NRXN3: variants seen among roughly 807,000 people sequenced by gnomAD.
NRXN3 encodes the protein neurexin III.
A neutral mutation model predicts 137.6 loss-of-function variants in NRXN3; 32 were observed. That is an observed-to-expected ratio of 0.23 (90% confidence interval 0.18 to 0.31). The LOEUF is 0.31. NRXN3 is among the 10% of genes least tolerant of loss of function. The pLI is 1.00. For missense variants in NRXN3, 1,574 were observed against 2,062.5 expected, an observed-to-expected ratio of 0.76 and a Z score of 4.59; for synonymous variants, 798 against 784.5, an observed-to-expected ratio of 1.02 and a Z score of -0.29.
chr14:79,579,311 A>C (rs2097693192), intron 16 of NRXN3, among the ~76,000 whole-genome samples: 1 of 147,740 alleles, frequency 6.8e-6, no homozygotes, highest in Admixed American at 6.8e-5. Flanking sequence ...TGTTGGTTTA[A>C]GCAAATGTGT....
intron 4 of NRXN3, among the ~76,000 whole-genome samples, chr14:78,350,406 A>C (rs2083327185): frequency 6.6e-6 from 1 of 152,072 alleles, no homozygotes; most frequent in Non-Finnish European, 1.5e-5. Context: ...GACAAATAGT[A>C]AGGGGAGGGG....
intron 19 of NRXN3, among the ~76,000 whole-genome samples, chr14:79,757,971 C>CT (rs748750835): frequency 6.6e-6 from 1 of 152,134 alleles, no homozygotes; most frequent in East Asian, 1.9e-4. Context: ...AAGAAATATA[C>CT]TTTTTTTCCC....
chr14:78,354,603 G>T (rs1397654428), intron 4 of NRXN3, among the ~76,000 whole-genome samples: 1 of 152,164 alleles, frequency 6.6e-6, no homozygotes, highest in Non-Finnish European at 1.5e-5. Flanking sequence ...TCCCTCAGCT[G>T]TTAGAATACT....
chr14:78,640,876 G>A (rs2097620188), intron 4 of NRXN3, among the ~76,000 whole-genome samples: 1 of 152,126 alleles, frequency 6.6e-6, no homozygotes, highest in Non-Finnish European at 1.5e-5. Context: ...TAAACTTTGG[G>A]ATGATATAAT....
At chr14:79,492,476 A>C (rs2096726824) in intron 16 of NRXN3, among the ~76,000 whole-genome samples, 1 of 152,032 alleles carries the variant, frequency 6.6e-6, no homozygotes, top group African/African-American at 2.4e-5. Context: ...CCTGTCACCC[A>C]GGTTCAAGTG....
At chr14:79,348,713 G>C (rs942220266) in intron 15 of NRXN3, among the ~76,000 whole-genome samples, 2 of 152,114 alleles carry the variant, frequency 1.3e-5, no homozygotes, top group Admixed American at 6.5e-5. Context: ...TAGGGCAGTC[G>C]CCACAATATG....
chr14:78,743,599 T>A (rs1483318755), intron 8 of NRXN3, among the ~76,000 whole-genome samples: 3 of 152,204 alleles, frequency 2.0e-5, no homozygotes, highest in African/African-American at 7.2e-5. Flanking sequence ...AGATAACTCT[T>A]ATCACATATC....
intron 16 of NRXN3, among the ~76,000 whole-genome samples, chr14:79,625,539 A>G (rs1170638849): frequency 6.6e-6 from 1 of 152,220 alleles, no homozygotes; most frequent in Non-Finnish European, 1.5e-5. Flanking sequence ...TTCTGATGTT[A>G]TAATGGCTGC....
chr14:79,322,641 G>GTCTA (rs2090219024), intron 15 of NRXN3, among the ~76,000 whole-genome samples: 1 of 152,168 alleles, frequency 6.6e-6, no homozygotes, highest in Admixed American at 6.5e-5. Flanking sequence ...TGATCCTAGA[G>GTCTA]TCTATCTTCT....
intron 6 of NRXN3, among the ~76,000 whole-genome samples, chr14:78,661,288 G>A (rs960228716): frequency 6.6e-6 from 1 of 152,210 alleles, no homozygotes; most frequent in African/African-American, 2.4e-5. Context: ...TCATTCAGTA[G>A]TATTACCGAT....
At chr14:78,800,848 T>C (rs1184983637) in intron 8 of NRXN3, among the ~76,000 whole-genome samples, 1 of 152,218 alleles carries the variant, frequency 6.6e-6, no homozygotes, top group East Asian at 1.9e-4. Context: ...CCTAGAATAG[T>C]GCCTGGCAAT....
intron 10 of NRXN3, among the ~76,000 whole-genome samples, chr14:78,878,441 T>C (rs574746961): frequency 1.4e-3 from 213 of 152,314 alleles, no homozygotes; most frequent in Non-Finnish European, 2.7e-3. Flanking sequence ...GCCAATGTGA[T>C]GCAAAATGAA....
At chr14:78,781,865 A>T (rs1296653772) in intron 8 of NRXN3, among the ~76,000 whole-genome samples, 1 of 152,216 alleles carries the variant, frequency 6.6e-6, no homozygotes, top group East Asian at 1.9e-4. Context: ...CATATAATAC[A>T]AACCAAAACA....
At chr14:78,822,828 C>G (rs1002486459) in intron 10 of NRXN3, among the ~76,000 whole-genome samples, 2 of 152,082 alleles carry the variant, frequency 1.3e-5, no homozygotes, top group Non-Finnish European at 2.9e-5. Context: ...TACATATTGC[C>G]TCTGCCACTT....
At chr14:78,492,293 A>G (rs1265927125) in intron 4 of NRXN3, among the ~76,000 whole-genome samples, 1 of 152,160 alleles carries the variant, frequency 6.6e-6, no homozygotes, top group Non-Finnish European at 1.5e-5. Context: ...TATATTGAGA[A>G]GTGGACTGCC....
At chr14:79,621,829 G>A (rs536336695) in intron 16 of NRXN3, among the ~76,000 whole-genome samples, 1 of 152,320 alleles carries the variant, frequency 6.6e-6, no homozygotes, top group South Asian at 2.1e-4. Flanking sequence ...AATGCTTGCT[G>A]CTCAAGTAAT....
intron 19 of NRXN3, among the ~76,000 whole-genome samples, chr14:79,802,884 T>C (rs1448021270): frequency 3.3e-5 from 5 of 152,030 alleles, no homozygotes; most frequent in Non-Finnish European, 7.4e-5. Flanking sequence ...TTAAAAATTC[T>C]TTTTTCGGTG....
intron 2 of NRXN3, among the ~76,000 whole-genome samples, chr14:78,266,070 C>T (rs1326483997): frequency 6.6e-6 from 1 of 152,146 alleles, no homozygotes; most frequent in Non-Finnish European, 1.5e-5. Context: ...GACTCTTCCA[C>T]TTTTCAAATT....
chr14:79,150,832 C>A (rs34754348), intron 15 of NRXN3, among the ~76,000 whole-genome samples: 1 of 151,788 alleles, frequency 6.6e-6, no homozygotes. Flanking sequence ...GATTTGAAAC[C>A]AATGGTCACT....
Sources: gnomAD v4.1 joint callset for allele counts (sites outside exome capture counted in the v4.1 genomes callset) on GRCh38, gnomAD v4.1.1 for gene constraint, MANE v1.5 for transcripts, NCBI Gene and HGNC (gene_info 2026-07-23, HGNC 2026-07-21) for gene names.